Variants in FAM133A observed in about 807,000 individuals in gnomAD.
FAM133A encodes family with sequence similarity 133 member A.
For missense variants in FAM133A, 159 were observed against 164.4 expected (o/e 0.97, Z 0.18); for synonymous variants, 65 against 58.6 (o/e 1.11, Z -0.50).
At position 93,677,660 on chromosome X, in the gene FAM133A, T is replaced by G. The variant is rs1044788150; in HGVS notation, c.-193+2908T>G. ...AGATGAATTTGCATTTTCTAAAATT[T>G]TATATAAGTGGAATAATGTAGTATG... On this transcript the variant is annotated intron_variant, in intron 2 of 3. Coordinates refer to ENST00000683942, the MANE Select transcript of FAM133A (RefSeq NM_001171109.2). 3.6e-5 allele frequency among the ~76,000 whole-genome samples: 4 copies of G among 112,071 alleles called. No homozygotes were observed. The East Asian group carries it at 1.1e-3, about 31-fold the overall frequency.
intron 2 of FAM133A, among the ~76,000 whole-genome samples, chrX:93,681,085 A>G (rs894260886): frequency 1.8e-5 from 2 of 111,413 alleles, no homozygotes; most frequent in African/African-American, 6.5e-5. Flanking sequence ...TGTAGTACTC[A>G]TCTGAAGAAT....
intron 3 of FAM133A, among the ~76,000 whole-genome samples, chrX:93,706,041 A>G (rs1927025158): frequency 1.8e-5 from 2 of 111,922 alleles, no homozygotes; most frequent in South Asian, 7.4e-4. Context: ...TGCCTTCACC[A>G]CTTAGCTGAG....
intron 3 of FAM133A, among the ~76,000 whole-genome samples, chrX:93,703,112 C>T (rs1470672824): frequency 9.0e-6 from 1 of 111,392 alleles, no homozygotes; most frequent in Admixed American, 9.6e-5. Context: ...TCGCTTGAGC[C>T]CAGGAGGCAG....
chrX:93,676,402 A>G (rs1223035618), intron 2 of FAM133A, among the ~76,000 whole-genome samples: 1 of 111,268 alleles, frequency 9.0e-6, no homozygotes, highest in East Asian at 2.8e-4. Flanking sequence ...GATTAGTGGT[A>G]AGATTGTCTT....
upstream of FAM133A, among the ~76,000 whole-genome samples, chrX:93,673,731 C>A (rs539927127): frequency 9.1e-6 from 1 of 110,109 alleles, no homozygotes; most frequent in Non-Finnish European, 1.9e-5. Context: ...AACGGCCAAA[C>A]GCCACTACTC....
At chrX:93,698,596 T>G (rs1385919869) in intron 3 of FAM133A, 111 bp downstream of exon 3, 1 of 111,795 alleles carries the variant, frequency 8.9e-6, no homozygotes, top group Non-Finnish European at 1.9e-5. Context: ...TGGAGGTCAT[T>G]CATAACCTAG....
At chrX:93,689,782 G>A (rs966525218) in intron 2 of FAM133A, among the ~76,000 whole-genome samples, 6 of 111,373 alleles carry the variant, frequency 5.4e-5, no homozygotes, top group East Asian at 2.8e-4. Flanking sequence ...GATATCAAAC[G>A]AGCAAGACTT....
intron 2 of FAM133A, among the ~76,000 whole-genome samples, chrX:93,679,921 T>A (rs1490055972): frequency 8.9e-5 from 1 of 11,220 alleles, no homozygotes; most frequent in African/African-American, 2.1e-4. Flanking sequence ...GCAAATTTTT[T>A]TTTTTTTTTT....
intron 3 of FAM133A, among the ~76,000 whole-genome samples, chrX:93,704,500 A>C (rs1271507613): frequency 9.0e-6 from 1 of 111,660 alleles, no homozygotes; most frequent in African/African-American, 3.2e-5. Flanking sequence ...GCTTAGAGGA[A>C]TTTCCAGCTA....
intron 2 of FAM133A, among the ~76,000 whole-genome samples, chrX:93,680,616 G>A (rs1217901425): frequency 9.0e-6 from 1 of 111,022 alleles, no homozygotes; most frequent in Non-Finnish European, 1.9e-5. Context: ...CTTACCTTTC[G>A]TCTTTTTGAT....
chrX:93,706,742 T>G (rs1927066408), intron 3 of FAM133A, among the ~76,000 whole-genome samples: 1 of 111,793 alleles, frequency 8.9e-6, no homozygotes, highest in Admixed American at 9.5e-5. Flanking sequence ...GTATCCAATT[T>G]GTCACTAATT....
intron 3 of FAM133A, among the ~76,000 whole-genome samples, chrX:93,703,490 T>A (rs1290839626): frequency 1.8e-5 from 2 of 111,969 alleles, no homozygotes; most frequent in African/African-American, 6.5e-5. Context: ...TAAGAGAAAC[T>A]AGATGCAGGG....
At chrX:93,709,106 A>G (rs888436887) in intron 3 of FAM133A, among the ~76,000 whole-genome samples, 3 of 112,059 alleles carry the variant, frequency 2.7e-5, no homozygotes, top group Non-Finnish European at 5.6e-5. Context: ...TACATGAGGT[A>G]TATAAAACAC....
At chrX:93,685,172 T>C (rs1378247788) in intron 2 of FAM133A, among the ~76,000 whole-genome samples, 1 of 111,681 alleles carries the variant, frequency 9.0e-6, no homozygotes, top group East Asian at 2.8e-4. Flanking sequence ...CTATTCTTTT[T>C]CTTATTGACT....
intron 2 of FAM133A, among the ~76,000 whole-genome samples, chrX:93,682,846 T>C (rs1404892746): frequency 2.7e-5 from 3 of 111,425 alleles, no homozygotes; most frequent in Non-Finnish European, 5.7e-5. Flanking sequence ...AACTCCTGAC[T>C]TCAAGTGATC....
intron 3 of FAM133A, among the ~76,000 whole-genome samples, chrX:93,706,387 T>G (rs943566561): frequency 3.6e-5 from 4 of 111,686 alleles, no homozygotes; most frequent in Non-Finnish European, 7.5e-5. Context: ...CCTTGCATGT[T>G]GGTGTTCAGT....
chrX:93,708,387 A>G (rs758274641), intron 3 of FAM133A, among the ~76,000 whole-genome samples: 3 of 111,911 alleles, frequency 2.7e-5, no homozygotes, highest in African/African-American at 6.5e-5. Flanking sequence ...GTTTTTTAAG[A>G]TCCCTCTGTT....
At chrX:93,701,071 T>G (rs1464344528) in intron 3 of FAM133A, among the ~76,000 whole-genome samples, 1 of 111,514 alleles carries the variant, frequency 9.0e-6, no homozygotes, top group Non-Finnish European at 1.9e-5. Flanking sequence ...AACTAGATGC[T>G]AGGGAAATGT....
chrX:93,690,862 T>G (rs930419904), intron 2 of FAM133A, among the ~76,000 whole-genome samples: 20 of 111,839 alleles, frequency 1.8e-4, no homozygotes, highest in Non-Finnish European at 2.6e-4. Context: ...TGGGCCACTT[T>G]CTGTGCGTCC....
Sources: allele counts gnomAD v4.1 joint callset (sites outside exome capture counted in the v4.1 genomes callset), GRCh38; gene constraint gnomAD v4.1.1; transcripts MANE v1.5; gene names NCBI Gene and HGNC (gene_info 2026-07-23, HGNC 2026-07-21).